SMIM36: variants seen among roughly 807,000 people sequenced by gnomAD.
SMIM36 encodes the protein small integral membrane protein 36.
intron 2 of SMIM36, 140 bp from the exon 3 acceptor site, chr17:55,478,953 T>C (rs1020691893): frequency 6.6e-6 from 1 of 152,218 alleles, no homozygotes; most frequent in African/African-American, 2.4e-5. Flanking sequence ...GATCCCAAAG[T>C]CCTGTAGACC....
intron 3 of SMIM36, among the ~76,000 whole-genome samples, chr17:55,473,191 C>G (rs527578509): frequency 6.6e-6 from 1 of 152,268 alleles, no homozygotes; most frequent in South Asian, 2.1e-4. Flanking sequence ...CCCCTCATCT[C>G]CTTCCCTTCA....
At chr17:55,491,012 T>TGG (rs1455168832) in intron 1 of SMIM36, among the ~76,000 whole-genome samples, 1 of 151,916 alleles carries the variant, frequency 6.6e-6, no homozygotes, top group Non-Finnish European at 1.5e-5. Flanking sequence ...CTCAGCACTT[T>TGG]GGGAGCCTGA....
At chr17:55,486,449 C>G (rs1909609929) in intron 1 of SMIM36, among the ~76,000 whole-genome samples, 1 of 152,200 alleles carries the variant, frequency 6.6e-6, no homozygotes, top group South Asian at 2.1e-4. Flanking sequence ...ATCTGCATCT[C>G]TCCTCATGAC....
Position 55,474,345 on chromosome 17 carries a change from T to G in SMIM36, c.*347+4417A>C, listed in dbSNP as rs973400145. Reference sequence around the variant, plus strand: ...TCCCTGCAGGGGACTACAGCCAGCTTGAGTGATGCGGATCCTGAGAGTGCT... The same window carrying G: ...TCCCTGCAGGGGACTACAGCCAGCTGGAGTGATGCGGATCCTGAGAGTGCT... On this transcript the variant is annotated intron_variant, in intron 3 of 4. Coordinates refer to ENST00000636752, the Ensembl canonical transcript of SMIM36. Among the ~76,000 whole-genome samples the G allele has an allele frequency of 1.3e-5, 2 of 152,144 alleles. 1 individual carries two copies. Among genetic ancestry groups the G allele is most frequent in the Non-Finnish European group, 2.9e-5 (2 of 68,026 alleles).
chr17:55,528,019 T>G, the SMIM36 span: 1 of 152,296 alleles, frequency 6.6e-6, no homozygotes, highest in Non-Finnish European at 1.5e-5. Context: ...AAACTCCTAG[T>G]CACTGGTCAG....
exon 1 of SMIM36, chr17:55,511,413 G>C (rs1910180446): frequency 5.0e-6 from 2 of 397,364 alleles, no homozygotes; most frequent in South Asian, 1.4e-4. Flanking sequence ...GCAGATCTTA[G>C]AGCATCGGAA....
chr17:55,488,367 C>T (rs17819194), intron 1 of SMIM36, among the ~76,000 whole-genome samples: 46,135 of 152,148 alleles, frequency 0.3, 8,279 homozygotes, highest in South Asian at 0.41. Flanking sequence ...CAAACACTTA[C>T]ACAACTAATA....
At chr17:55,482,230 G>A (rs1909532861) in intron 1 of SMIM36, among the ~76,000 whole-genome samples, 1 of 152,152 alleles carries the variant, frequency 6.6e-6, no homozygotes, top group South Asian at 2.1e-4. Context: ...GCCACACATA[G>A]CATGTGTCCA....
At chr17:55,525,607 A>T in the SMIM36 span, among the ~76,000 whole-genome samples, 1 of 152,330 alleles carries the variant, frequency 6.6e-6, no homozygotes, top group Non-Finnish European at 1.5e-5. Flanking sequence ...GAGGATAGGG[A>T]CAAAATATCT....
intron 4 of SMIM36, among the ~76,000 whole-genome samples, chr17:55,459,168 G>A (rs7211308): frequency 0.064 from 9,737 of 152,124 alleles, 988 homozygotes; most frequent in African/African-American, 0.21. Flanking sequence ...CTGAAGATGC[G>A]AGCCCCACCC....
intron 1 of SMIM36, among the ~76,000 whole-genome samples, chr17:55,488,897 CCATCATCAT>C (rs59012291): frequency 0.78 from 117,301 of 150,746 alleles, 46,035 homozygotes; most frequent in Non-Finnish European, 0.81. Context: ...TACTCATTTT[CCATCATCAT>C]CATCATCATC....
chr17:55,486,196 A>G (rs1909606035), intron 1 of SMIM36, among the ~76,000 whole-genome samples: 1 of 151,784 alleles, frequency 6.6e-6, no homozygotes, highest in African/African-American at 2.4e-5. Context: ...CACCATACAC[A>G]GCTAATTTTT....
intron 1 of SMIM36, among the ~76,000 whole-genome samples, chr17:55,510,056 G>A (rs750746198): frequency 1.5e-4 from 23 of 152,060 alleles, no homozygotes; most frequent in Non-Finnish European, 2.8e-4. Context: ...ACTGTCTCAA[G>A]TGCTTTTGGT....
chr17:55,486,447 C>T (rs575454371), intron 1 of SMIM36, among the ~76,000 whole-genome samples: 57 of 152,298 alleles, frequency 3.7e-4, no homozygotes, highest in Non-Finnish European at 6.8e-4. Flanking sequence ...CCATCTGCAT[C>T]TCTCCTCATG....
At chr17:55,515,619 A>G (rs1910262100), upstream of SMIM36, among the ~76,000 whole-genome samples, 1 of 152,156 alleles carries the variant, frequency 6.6e-6, no homozygotes, top group African/African-American at 2.4e-5. Context: ...CTATGGAAAG[A>G]TAGAGAGAGA....
intron 1 of SMIM36, among the ~76,000 whole-genome samples, chr17:55,494,966 A>G (rs1251650093): frequency 2.0e-5 from 3 of 152,228 alleles, no homozygotes; most frequent in Non-Finnish European, 2.9e-5. Flanking sequence ...TCAGGGTTAC[A>G]GTGAAAATTC....
intron 1 of SMIM36, among the ~76,000 whole-genome samples, chr17:55,494,927 A>T (rs541229175): frequency 3.1e-4 from 47 of 152,332 alleles, no homozygotes; most frequent in African/African-American, 1.1e-3. Context: ...TGCCTAAAAT[A>T]TATAAAGTTG....
intron 4 of SMIM36, among the ~76,000 whole-genome samples, chr17:55,453,688 A>G (rs1908965716): frequency 6.6e-6 from 1 of 152,310 alleles, no homozygotes; most frequent in South Asian, 2.1e-4. Context: ...ATCCCCTGGA[A>G]GCCCCTACTG....
intron 1 of SMIM36, among the ~76,000 whole-genome samples, chr17:55,510,163 CAAGTAG>C (rs1910156008): frequency 6.6e-6 from 1 of 151,946 alleles, no homozygotes; most frequent in Non-Finnish European, 1.5e-5. Flanking sequence ...ACACAGCTAG[CAAGTAG>C]AAGAGGCAGG....
Sources: gnomAD v4.1 joint callset for allele counts (sites outside exome capture counted in the v4.1 genomes callset) on GRCh38, gnomAD v4.1.1 for gene constraint, MANE v1.5 for transcripts, NCBI Gene and HGNC (gene_info 2026-07-23, HGNC 2026-07-21) for gene names.